The following NPAS2 variants were observed in gnomAD, a reference collection of about 807,000 sequenced individuals.
NPAS2 encodes the protein neuronal PAS domain-containing protein 2.
In NPAS2, 23 loss-of-function variants were observed where a neutral mutation model predicts 107.5. That is an observed-to-expected ratio of 0.21 (90% confidence interval 0.15 to 0.30). NPAS2 has a LOEUF of 0.30. NPAS2 is among the 10% of genes least tolerant of loss of function. The probability of loss-of-function intolerance (pLI) is 1.00; values close to 1 mark genes in which losing one functional copy is unlikely to be tolerated. For missense variants in NPAS2, 756 were observed against 1,043.3 expected, an observed-to-expected ratio of 0.72 and a Z score of 3.79; for synonymous variants, 403 against 417.5, an observed-to-expected ratio of 0.97 and a Z score of 0.42.
At chr2:100,950,432 C>G (rs920486460) in intron 7 of NPAS2, among the ~76,000 whole-genome samples, 3 of 152,162 alleles carry the variant, frequency 2.0e-5, no homozygotes, top group African/African-American at 7.2e-5. Flanking sequence ...ACTTCTGCTG[C>G]GTTCTTGACC....
chr2:100,900,311 A>T (rs1184182832), intron 1 of NPAS2, among the ~76,000 whole-genome samples: 2 of 152,204 alleles, frequency 1.3e-5, no homozygotes, highest in East Asian at 3.9e-4. Context: ...ACAAAAGAAG[A>T]TATCTAAATA....
In NPAS2 at chr2:100,941,096, G is replaced by A. The variant is rs568300221; in HGVS notation, c.363+3254G>A. Among the ~76,000 whole-genome samples, 155 of 152,304 alleles carry A rather than the reference G, an allele frequency of 1.0e-3. 1 individual carries two copies. The highest frequency in any genetic ancestry group is 1.3e-3 in the Non-Finnish European group (87 of 68,020). On this transcript the variant is annotated intron_variant, in intron 5 of 20. Coordinates refer to ENST00000335681, the MANE Select transcript of NPAS2 (RefSeq NM_002518.4). ...GCCAGAATTCCTTCCCACTTCTCAG[G>A]CTGTGGGGCTTCAAGTCTCTCTCTG...
chr2:100,919,895 C>T (rs1280006719), intron 2 of NPAS2, among the ~76,000 whole-genome samples: 3 of 152,164 alleles, frequency 2.0e-5, no homozygotes, highest in Non-Finnish European at 4.4e-5. Context: ...GTTGGAACTT[C>T]TCACCGGGCA....
intron 5 of NPAS2, among the ~76,000 whole-genome samples, chr2:100,945,798 G>A (rs1012964778): frequency 6.6e-5 from 10 of 152,196 alleles, no homozygotes; most frequent in African/African-American, 2.4e-4. Flanking sequence ...CCCACTCAAG[G>A]ATTCCTCCCT....
intron 1 of NPAS2, among the ~76,000 whole-genome samples, chr2:100,836,584 G>T (rs1677079471): frequency 6.6e-6 from 1 of 152,192 alleles, no homozygotes; most frequent in South Asian, 2.1e-4. Flanking sequence ...GAATAACAGG[G>T]TCAGGAGTTA....
At chr2:100,865,133 G>A (rs1679175681) in intron 1 of NPAS2, among the ~76,000 whole-genome samples, 1 of 152,152 alleles carries the variant, frequency 6.6e-6, no homozygotes, top group Admixed American at 6.5e-5. Flanking sequence ...TAGACTTTAT[G>A]GATCCCCTTA....
intron 11 of NPAS2, among the ~76,000 whole-genome samples, chr2:100,969,987 A>G (rs1192749618): frequency 6.6e-6 from 1 of 152,234 alleles, no homozygotes; most frequent in Non-Finnish European, 1.5e-5. Context: ...TACATGTATC[A>G]GGTCACCAAA....
intron 4 of NPAS2, among the ~76,000 whole-genome samples, chr2:100,935,665 G>A (rs879355220): frequency 3.2e-4 from 49 of 152,288 alleles, no homozygotes; most frequent in African/African-American, 1.0e-3. Flanking sequence ...TGTGCAAGAC[G>A]ATTTGCACTG....
rs1487286020 is a variant in NPAS2 at position 100,968,483 on chromosome 2, T to C, written c.1055+55T>C. ...GTCCTTGTCGCACCTGGGGGAGGGG[T>C]GCAGGATGGCGTGGCCCCTGATGGC... On this transcript the variant is annotated intron_variant, in intron 11 of 20. Coordinates refer to ENST00000335681, the MANE Select transcript of NPAS2 (RefSeq NM_002518.4). The surrounding 1 kb of genome is among the most constrained non-coding windows in gnomAD (Gnocchi z 5.3). 3 of 1,579,562 alleles carry C rather than the reference T, an allele frequency of 1.9e-6. No individual in the cohort carries two copies. In the African/African-American group the frequency reaches 4.1e-5, roughly 21 times the overall value.
Position 100,968,220 on chromosome 2 carries a change from G to T in NPAS2, c.908-61G>T. ...AAAGCTTATCTTTACAATAACTCTTGGGGAAAAGATCATTTTCATATTAAC... is the reference window on the plus strand; with the variant it reads ...AAAGCTTATCTTTACAATAACTCTTTGGGAAAAGATCATTTTCATATTAAC... On this transcript the variant is annotated intron_variant, in intron 10 of 20. Coordinates refer to ENST00000335681, the MANE Select transcript of NPAS2 (RefSeq NM_002518.4). This position sits in a 1 kb window ranked among gnomAD's most constrained non-coding sequence, Gnocchi z 5.3. 1 of 1,530,884 alleles carries T rather than the reference G, an allele frequency of 6.5e-7. No individual in the cohort carries two copies. Among genetic ancestry groups the T allele is most frequent in the South Asian group, 1.2e-5 (1 of 86,918 alleles). The allele number at this position is 1,530,884 out of a possible 1,614,324, so 94.8% of individuals were successfully genotyped here. A position where few individuals can be genotyped will look rare whatever the true frequency, so the allele number is the denominator to read the frequency against.
Position 100,908,502 on chromosome 2 carries a change from C to T in NPAS2, c.32+3716C>T, listed in dbSNP as rs1682313821. The stretch of plus-strand genomic sequence containing the variant: ...TTTCTAAAGTCTGGGCTCCTAACAG[C>T]GTCTGTGACATTCAGTAAATGGAAG... On this transcript the variant is annotated intron_variant, in intron 2 of 20. Coordinates refer to ENST00000335681, the MANE Select transcript of NPAS2 (RefSeq NM_002518.4). 2.0e-5 allele frequency among the ~76,000 whole-genome samples: 3 copies of T among 152,136 alleles called. No homozygotes were observed. The South Asian group carries it at 6.2e-4, about 32-fold the overall frequency.
Position 100,948,900 on chromosome 2 carries a change from C to T in NPAS2, c.485-467C>T, listed in dbSNP as rs1455911046. Among the ~76,000 whole-genome samples, 3 of 152,198 alleles carry T rather than the reference C, an allele frequency of 2.0e-5. No homozygotes were observed. In the East Asian group the frequency reaches 5.8e-4, roughly 29 times the overall value. On this transcript the variant is annotated intron_variant, in intron 6 of 20. Coordinates refer to ENST00000335681, the MANE Select transcript of NPAS2 (RefSeq NM_002518.4). Reference sequence around the variant, plus strand: ...TTGATGCCTCGTGAACCACGGGTCACTTAATGAAGCATACACAATTGCATG... The same window carrying T: ...TTGATGCCTCGTGAACCACGGGTCATTTAATGAAGCATACACAATTGCATG...
chr2:100,834,091 T>C (rs531458240), intron 1 of NPAS2, among the ~76,000 whole-genome samples: 7 of 152,136 alleles, frequency 4.6e-5, no homozygotes, highest in Non-Finnish European at 1.0e-4. Flanking sequence ...CTCCTGGAGC[T>C]TGCCCGGCAC....
At chr2:100,934,762 G>A in intron 4 of NPAS2, 1 of 985,196 alleles carries the variant, frequency 1.0e-6, no homozygotes, top group South Asian at 4.7e-5. Context: ...GTGGTTGGGG[G>A]AGATGGGGAG....
intron 15 of NPAS2, 84 bp downstream of exon 15, chr2:100,977,883 TC>T: frequency 1.7e-6 from 2 of 1,202,074 alleles, no homozygotes; most frequent in Non-Finnish European, 2.5e-6. Flanking sequence ...TACACTTAGG[TC>T]CCAACCAAGG....
intron 1 of NPAS2, among the ~76,000 whole-genome samples, chr2:100,868,317 C>T (rs1306465059): frequency 6.6e-6 from 1 of 152,140 alleles, no homozygotes; most frequent in African/African-American, 2.4e-5. Flanking sequence ...GATTCTTTTC[C>T]TGTTGTCTGG....
At chr2:100,980,416 GA>G (rs1336825422) in intron 15 of NPAS2, among the ~76,000 whole-genome samples, 1 of 152,086 alleles carries the variant, frequency 6.6e-6, no homozygotes, top group African/African-American at 2.4e-5. Context: ...ATCTGACTGG[GA>G]TTTTTGTGAG....
intron 17 of NPAS2, 73 bp downstream of exon 17, chr2:100,988,349 G>T: frequency 7.6e-7 from 1 of 1,320,838 alleles, no homozygotes; most frequent in South Asian, 1.2e-5. Flanking sequence ...GGACATACTT[G>T]ATTCCTGCAG....
At chr2:100,966,585 CTTTTTTTTT>C (rs765292891) in intron 10 of NPAS2, among the ~76,000 whole-genome samples, 1 of 120,342 alleles carries the variant, frequency 8.3e-6, no homozygotes, top group Non-Finnish European at 1.7e-5. Context: ...CCCATTAGAA[CTTTTTTTTT>C]TTTTTTTTTT....
Sources: gnomAD v4.1 joint callset for allele counts (sites outside exome capture counted in the v4.1 genomes callset) on GRCh38, gnomAD v4.1.1 for gene constraint, Gnocchi (gnomAD v3.1) non-coding constraint, MANE v1.5 for transcripts, NCBI Gene and HGNC (gene_info 2026-07-23, HGNC 2026-07-21) for gene names.